SUMF1: variants seen among roughly 807,000 people sequenced by gnomAD.
SUMF1 encodes the protein sulfatase modifying factor 1, also known as formylglycine-generating enzyme.
Under a neutral mutation model 47.6 loss-of-function variants are expected in SUMF1, and 48 were observed. That is an observed-to-expected ratio of 1.01 (90% CI 0.80 to 1.28). SUMF1 has a LOEUF of 1.28. SUMF1 is among the 50% of genes most tolerant of loss of function. SUMF1 has a pLI of 0.00. For synonymous variants in SUMF1, 230 were observed against 192.1 expected (o/e 1.20, Z -1.63); for missense variants, 571 against 485.4 (o/e 1.18, Z -1.66).
chr3:4,174,493 C>G (rs1694912655), intron 8 of SUMF1, among the ~76,000 whole-genome samples: 1 of 151,944 alleles, frequency 6.6e-6, no homozygotes. Flanking sequence ...CACTTCAGCT[C>G]AGGAGTTCAA....
intron 8 of SUMF1, among the ~76,000 whole-genome samples, chr3:4,091,193 T>G (rs113542043): frequency 6.6e-6 from 1 of 152,256 alleles, no homozygotes; most frequent in African/African-American, 2.4e-5. Context: ...AACTCTTATT[T>G]ATATCAATTA....
intron 6 of SUMF1, among the ~76,000 whole-genome samples, chr3:4,415,588 G>A (rs1296127682): frequency 2.6e-5 from 4 of 152,134 alleles, no homozygotes; most frequent in Admixed American, 6.5e-5. Flanking sequence ...TGAGGCGGGA[G>A]GATCGCCTGA....
At chr3:4,063,104 T>A (rs554554080) in intron 9 of SUMF1, among the ~76,000 whole-genome samples, 2 of 152,176 alleles carry the variant, frequency 1.3e-5, no homozygotes, top group East Asian at 3.9e-4. Flanking sequence ...GCCAATGCGA[T>A]CTGAGAGACT....
At chr3:4,422,617 T>G (rs1030435589) in intron 3 of SUMF1, among the ~76,000 whole-genome samples, 1 of 152,126 alleles carries the variant, frequency 6.6e-6, no homozygotes, top group African/African-American at 2.4e-5. Flanking sequence ...GTTTGTGGCT[T>G]TTGGCAAATA....
At chr3:4,250,519 G>A (rs781114882) in intron 8 of SUMF1, among the ~76,000 whole-genome samples, 5 of 152,114 alleles carry the variant, frequency 3.3e-5, no homozygotes, top group Admixed American at 6.5e-5. Context: ...CTGAACAACA[G>A]ATTTTCAATG....
chr3:4,199,266 GC>G (rs1406118426), intron 8 of SUMF1, among the ~76,000 whole-genome samples: 1 of 151,662 alleles, frequency 6.6e-6, no homozygotes, highest in Non-Finnish European at 1.5e-5. Flanking sequence ...TTTGTGTATT[GC>G]TTCTTTCACT....
rs545345123 is a variant in SUMF1, at chr3:4,451,792, T to A, written c.444+1084A>T. 1.3e-4 allele frequency among the ~76,000 whole-genome samples: 20 copies of A among 152,290 alleles called. No individual in the cohort carries two copies. The East Asian group carries it at 3.7e-3, about 28-fold the overall frequency. ...TCCGCCTCCCGGGTTCATGCTATTC[T>A]CCTGCCTCAGCCTCCCAAGTAGCTG... On this transcript the variant is annotated intron_variant, in intron 2 of 8. Transcript: ENST00000272902.
intron 7 of SUMF1, among the ~76,000 whole-genome samples, chr3:4,380,515 C>T (rs953555448): frequency 6.6e-6 from 1 of 152,112 alleles, no homozygotes; most frequent in African/African-American, 2.4e-5. Flanking sequence ...CTACACCAAA[C>T]CCCCACGGCC....
At chr3:4,278,645 C>T (rs993265062) in intron 8 of SUMF1, among the ~76,000 whole-genome samples, 1 of 152,088 alleles carries the variant, frequency 6.6e-6, no homozygotes, top group African/African-American at 2.4e-5. Context: ...TACGTTATCT[C>T]CCTCAAGTGG....
intron 8 of SUMF1, among the ~76,000 whole-genome samples, chr3:4,279,926 G>T (rs1344989888): frequency 2.6e-5 from 4 of 151,984 alleles, no homozygotes; most frequent in African/African-American, 9.7e-5. Context: ...TTTAATTTTG[G>T]CTATATAGTC....
chr3:4,377,203 T>G (rs894158392), intron 7 of SUMF1, among the ~76,000 whole-genome samples: 2 of 152,220 alleles, frequency 1.3e-5, no homozygotes, highest in African/African-American at 4.8e-5. Context: ...TTAGGTGTGC[T>G]TTATTAAGAT....
At chr3:4,218,262 A>G (rs919865444) in intron 8 of SUMF1, among the ~76,000 whole-genome samples, 8 of 152,062 alleles carry the variant, frequency 5.3e-5, no homozygotes, top group African/African-American at 1.7e-4. Context: ...GAGAGAATAA[A>G]ATTCTGTTGT....
intron 8 of SUMF1, among the ~76,000 whole-genome samples, chr3:4,271,472 T>TAGAC (rs879908654): frequency 0.011 from 804 of 75,458 alleles, 3 homozygotes; most frequent in Non-Finnish European, 0.015. Context: ...TATCTATAGA[T>TAGAC]AGATAGATAG....
chr3:4,236,970 G>C (rs1044937877), intron 8 of SUMF1, among the ~76,000 whole-genome samples: 1 of 152,026 alleles, frequency 6.6e-6, no homozygotes, highest in African/African-American at 2.4e-5. Context: ...TTTCCAGAAT[G>C]TCATATAATA....
At chr3:4,103,088 A>G (rs1264035297) in intron 8 of SUMF1, among the ~76,000 whole-genome samples, 1 of 151,660 alleles carries the variant, frequency 6.6e-6, no homozygotes, top group Non-Finnish European at 1.5e-5. Flanking sequence ...ACATCTGGCT[A>G]ATTTTTGTAT....
At chr3:4,047,821 C>A (rs1438549006) in intron 9 of SUMF1, among the ~76,000 whole-genome samples, 1 of 152,168 alleles carries the variant, frequency 6.6e-6, no homozygotes, top group Non-Finnish European at 1.5e-5. Context: ...CAGAGACTAT[C>A]CCTTCTCTGC....
chr3:4,103,147 T>C (rs1393219863), intron 8 of SUMF1, among the ~76,000 whole-genome samples: 2 of 151,388 alleles, frequency 1.3e-5, no homozygotes, highest in Middle Eastern at 3.4e-3. Context: ...GATCTCGAAC[T>C]CCTGACCTCA....
chr3:4,337,703 T>C (rs1441910838), intron 8 of SUMF1, among the ~76,000 whole-genome samples: 5 of 152,208 alleles, frequency 3.3e-5, no homozygotes, highest in Admixed American at 6.5e-5. Context: ...TTCAAACAAA[T>C]CTAAAACCCA....
intron 9 of SUMF1, among the ~76,000 whole-genome samples, chr3:4,050,748 CAAAAAA>C (rs34228101): frequency 4.6e-5 from 4 of 86,986 alleles, no homozygotes; most frequent in Non-Finnish European, 9.3e-5. Context: ...GACCCTGTCT[CAAAAAA>C]AAAAAAAAAA....
Sources: gnomAD v4.1 joint callset for allele counts (sites outside exome capture counted in the v4.1 genomes callset) on GRCh38, gnomAD v4.1.1 for gene constraint, MANE v1.5 for transcripts, NCBI Gene and HGNC (gene_info 2026-07-23, HGNC 2026-07-21) for gene names.